The following PPP2R5E variants were observed in gnomAD, a reference collection of about 807,000 sequenced individuals.
PPP2R5E encodes protein phosphatase 2 regulatory subunit B'epsilon.
PPP2R5E carries 4 observed loss-of-function variants against 65.3 expected under a neutral mutation model. The observed-to-expected ratio is 0.06, with a 90% CI of 0.03 to 0.14. The LOEUF (loss-of-function observed/expected upper bound fraction) is 0.14. Ranked by LOEUF, PPP2R5E falls within the 10% of genes least tolerant of loss-of-function variation. The pLI, the probability that PPP2R5E is intolerant of heterozygous loss-of-function variation, is 1.00. For missense variants in PPP2R5E, 274 were observed against 556.1 expected (o/e 0.49, Z 5.10); for synonymous variants, 183 against 187.4 (o/e 0.98, Z 0.19).
chr14:63,520,920 T>C lies in PPP2R5E; in HGVS notation c.157+18609A>G, dbSNP rs141913556. On this transcript the variant is annotated intron_variant, in intron 2 of 13. Transcript: ENST00000337537. ...CGGGCATGGTAGCAGGTGCCTGTGGTTCCAGCTGCTTGGGAGGCTGAGACA... is the reference window on the plus strand; with the variant it reads ...CGGGCATGGTAGCAGGTGCCTGTGGCTCCAGCTGCTTGGGAGGCTGAGACA... Among the ~76,000 whole-genome samples the C allele has an allele frequency of 7.7e-3, 1,143 of 148,526 alleles. 13 individuals are homozygous for C. The highest frequency in any genetic ancestry group is 0.029 in the Middle Eastern group (8 of 278).
intron 2 of PPP2R5E, among the ~76,000 whole-genome samples, chr14:63,481,876 A>G (rs1359851068): frequency 1.3e-5 from 2 of 152,218 alleles, no homozygotes; most frequent in African/African-American, 4.8e-5. Context: ...TATTCTGACA[A>G]AATTCTGGAG....
chr14:63,439,957 C>T (rs1888134761), intron 3 of PPP2R5E, among the ~76,000 whole-genome samples: 1 of 152,238 alleles, frequency 6.6e-6, no homozygotes, highest in Non-Finnish European at 1.5e-5. Context: ...TGAATTCATA[C>T]ACTGGCACTT....
At chr14:63,400,193 G>A (rs2139814640) in intron 5 of PPP2R5E, among the ~76,000 whole-genome samples, 1 of 152,326 alleles carries the variant, frequency 6.6e-6, no homozygotes, top group African/African-American at 2.4e-5. Flanking sequence ...CAGTGGGCGA[G>A]CTGTCAGGGA....
intron 11 of PPP2R5E, among the ~76,000 whole-genome samples, chr14:63,387,234 C>A (rs909271149): frequency 3.9e-5 from 6 of 152,198 alleles, no homozygotes; most frequent in Admixed American, 2.6e-4. Flanking sequence ...GGACATTCCT[C>A]CAGAATCCAA....
At chr14:63,404,001 T>C (rs1327898782) in intron 5 of PPP2R5E, among the ~76,000 whole-genome samples, 1 of 152,098 alleles carries the variant, frequency 6.6e-6, no homozygotes, top group Non-Finnish European at 1.5e-5. Context: ...AGTTAAAAAA[T>C]AGCAGTATAA....
chr14:63,439,601 G>A (rs907713559), intron 3 of PPP2R5E, among the ~76,000 whole-genome samples: 7 of 151,978 alleles, frequency 4.6e-5, no homozygotes, highest in South Asian at 2.1e-4. Flanking sequence ...CTCGAACTCC[G>A]GACCTCAGGT....
Position 63,391,832 on chromosome 14 carries a change from T to A in PPP2R5E, c.939A>T (p.Thr313=), listed in dbSNP as rs371355681. The change falls in exon 10 of 14, where the codon ACA becomes ACT. Residue 313 remains threonine, a synonymous_variant. Coordinates refer to ENST00000337537, the MANE Select transcript of PPP2R5E (RefSeq NM_006246.5). Reference sequence around the variant, plus strand: ...AAGCACTTACCTCTTTTTGACTACATGTTTTAGGCCAAAATTTCATTAACC... The same window carrying A: ...AAGCACTTACCTCTTTTTGACTACAAGTTTTAGGCCAAAATTTCATTAACC... The part of the protein sequence containing the change: ...IRGLMKFWPK[T]CSQKEVMFLG... 6.2e-7 allele frequency: 1 copy of A among 1,613,470 alleles called. No homozygotes were observed.
At chr14:63,413,094 T>C (rs1306545111) in intron 5 of PPP2R5E, among the ~76,000 whole-genome samples, 1 of 152,230 alleles carries the variant, frequency 6.6e-6, no homozygotes, top group African/African-American at 2.4e-5. Flanking sequence ...CAAAGGAGAC[T>C]AATTTGCTAA....
chr14:63,515,059 C>G (rs76701306), intron 2 of PPP2R5E, among the ~76,000 whole-genome samples: 1,818 of 152,258 alleles, frequency 0.012, 32 homozygotes, highest in African/African-American at 0.042. Flanking sequence ...TCCCTAGCTT[C>G]CCATGTCACT....
intron 2 of PPP2R5E, chr14:63,508,089 A>C: frequency 1.1e-6 from 1 of 926,222 alleles, no homozygotes; most frequent in Non-Finnish European, 1.3e-6. Context: ...CCCTCACTCC[A>C]CCCTCCTTCC....
At chr14:63,481,251 C>T (rs1161371612) in intron 2 of PPP2R5E, among the ~76,000 whole-genome samples, 2 of 152,054 alleles carry the variant, frequency 1.3e-5, no homozygotes, top group African/African-American at 4.8e-5. Context: ...AATCCCAACA[C>T]TTTGGGAGGC....
chr14:63,391,003 T>TA (rs1884986504), intron 10 of PPP2R5E, among the ~76,000 whole-genome samples: 1 of 152,226 alleles, frequency 6.6e-6, no homozygotes, highest in Admixed American at 6.5e-5. Context: ...TGGCTGAAAC[T>TA]AAAGGTCTGT....
At position 63,372,171 on chromosome 14, in the gene PPP2R5E, T is replaced by C. The variant is rs1390989012; in HGVS notation, c.*3838A>G. ...TTCATAGACATCATAATATGGGATG[T>C]TTATTTCCAAGAGAGATACTACTGC... On this transcript the variant is annotated 3_prime_UTR_variant, in exon 14 of 14. Coordinates refer to ENST00000337537, the MANE Select transcript of PPP2R5E (RefSeq NM_006246.5). 1 of 152,038 alleles carries C rather than the reference T, an allele frequency of 6.6e-6. No individual in the cohort carries two copies. The highest frequency in any genetic ancestry group is 2.4e-5 in the African/African-American group (1 of 41,418). The allele number at this position is 152,038 out of a possible 1,614,324, so 9.4% of individuals were successfully genotyped here.
At chr14:63,517,736 T>C (rs1410260806) in intron 2 of PPP2R5E, among the ~76,000 whole-genome samples, 1 of 152,216 alleles carries the variant, frequency 6.6e-6, no homozygotes, top group African/African-American at 2.4e-5. Flanking sequence ...TTTAACTTCA[T>C]TCCATTTGTC....
At chr14:63,523,322 T>C (rs1487782814) in intron 2 of PPP2R5E, among the ~76,000 whole-genome samples, 1 of 151,876 alleles carries the variant, frequency 6.6e-6, no homozygotes, top group Non-Finnish European at 1.5e-5. Context: ...GTTTGTGTAG[T>C]AGGAGGTAGA....
chr14:63,411,658 T>TAAAAA (rs766263301), intron 5 of PPP2R5E, among the ~76,000 whole-genome samples: 15 of 93,094 alleles, frequency 1.6e-4, no homozygotes, highest in African/African-American at 6.4e-4. Flanking sequence ...TGTGGTTGTT[T>TAAAAA]AAAAAAAAAA....
intron 5 of PPP2R5E, among the ~76,000 whole-genome samples, chr14:63,397,502 TAAA>T (rs1163450765): frequency 8.7e-4 from 54 of 62,280 alleles, no homozygotes; most frequent in African/African-American, 2.7e-3. Context: ...ATTCGGTCTT[TAAA>T]AAAAAAAAAA....
chr14:63,473,268 C>G (rs1251294500), intron 2 of PPP2R5E, among the ~76,000 whole-genome samples: 2 of 152,100 alleles, frequency 1.3e-5, no homozygotes, highest in Non-Finnish European at 2.9e-5. Context: ...GGACTGGAAA[C>G]AAGGGGCTAT....
intron 13 of PPP2R5E, among the ~76,000 whole-genome samples, chr14:63,381,181 T>C (rs910669690): frequency 1.2e-4 from 19 of 152,352 alleles, no homozygotes; most frequent in Middle Eastern, 3.4e-3. Flanking sequence ...GCCATAAGCA[T>C]TTATTGCAAA....
Sources: allele counts gnomAD v4.1 joint callset (sites outside exome capture counted in the v4.1 genomes callset), GRCh38; gene constraint gnomAD v4.1.1; transcripts MANE v1.5; gene names NCBI Gene and HGNC (gene_info 2026-07-23, HGNC 2026-07-21).